PCDH11X: variants seen among roughly 807,000 people sequenced by gnomAD.
PCDH11X encodes the protein protocadherin 11 X-linked.
PCDH11X carries 18 observed loss-of-function variants against 53.3 expected under a neutral mutation model. The ratio of observed to expected loss-of-function variants is 0.34; its 90% CI spans 0.23 to 0.50. The LOEUF is 0.50. Among genes scored for constraint, PCDH11X ranks in the 20% least tolerant of loss-of-function variants. The probability of loss-of-function intolerance (pLI) is 0.98; values close to 1 mark genes in which losing one functional copy is unlikely to be tolerated. For synonymous variants in PCDH11X, 279 were observed against 393.3 expected, an observed-to-expected ratio of 0.71 and a Z score of 3.44; for missense variants, 570 against 1,032.4, an observed-to-expected ratio of 0.55 and a Z score of 6.14.
At chrX:92,579,101 C>T (rs1406996906) in intron 10 of PCDH11X, among the ~76,000 whole-genome samples, 1 of 101,492 alleles carries the variant, frequency 9.9e-6, no homozygotes, top group African/African-American at 3.7e-5. Flanking sequence ...GTAGAGTTAT[C>T]ACTGAGAGGT....
At chrX:92,609,716 C>A in intron 10 of PCDH11X, among the ~76,000 whole-genome samples, 1 of 110,413 alleles carries the variant, frequency 9.1e-6, no homozygotes, top group Middle Eastern at 4.7e-3. Context: ...TATGAATAAT[C>A]TCATCATATT....
chrX:91,961,699 T>C lies in PCDH11X; in HGVS notation c.3033+82426T>C, dbSNP rs1005440073. 3.7e-3 allele frequency among the ~76,000 whole-genome samples: 390 copies of C among 105,626 alleles called. 1 individual carries two copies. The highest frequency in any genetic ancestry group is 5.2e-3 in the Non-Finnish European group (268 of 51,483). The allele number at this position is 105,626 out of a possible 115,157, so 91.7% of individuals were successfully genotyped here. On this transcript the variant is annotated intron_variant, in intron 6 of 10. Transcript: ENST00000682573. ...AGGAGAAATTTTAAAAGCAATACCA[T>C]TTACAGTTGGGTATTAGTCTCTTCT... is the stretch of plus-strand genomic sequence containing the variant.
Position 91,873,772 on chromosome X carries a change from G to A in PCDH11X, c.541-3009G>A, listed in dbSNP as rs772874063. On this transcript the variant is annotated intron_variant, in intron 5 of 10. Coordinates refer to ENST00000682573, the MANE Select transcript of PCDH11X (RefSeq NM_032968.5). ...ATTCATAAATTGGATAATTGGCTCC[G>A]AAACTTAAGAACTTTGGAACATTTT... 7.2e-5 allele frequency among the ~76,000 whole-genome samples: 8 copies of A among 111,490 alleles called. No homozygotes were observed. The South Asian group carries it at 1.5e-3, about 21-fold the overall frequency.
chrX:92,131,848 G>A (rs1360346777), intron 6 of PCDH11X, among the ~76,000 whole-genome samples: 3 of 108,864 alleles, frequency 2.8e-5, no homozygotes, highest in African/African-American at 1.0e-4. Flanking sequence ...AATCCTAAAT[G>A]GGCCTTGTTA....
At chrX:92,247,599 C>T (rs756590440) in intron 7 of PCDH11X, among the ~76,000 whole-genome samples, 18 of 111,671 alleles carry the variant, frequency 1.6e-4, no homozygotes, top group Non-Finnish European at 2.1e-4. Flanking sequence ...AGAATTCTTC[C>T]GTGTCTTTTC....
At chrX:92,375,245 A>T (rs1488348279) in intron 8 of PCDH11X, among the ~76,000 whole-genome samples, 1 of 82,293 alleles carries the variant, frequency 1.2e-5, no homozygotes, top group Non-Finnish European at 2.2e-5. Context: ...GCACAATCTC[A>T]GCTCACTGCA....
At chrX:92,214,061 C>T (rs2066640621) in intron 7 of PCDH11X, among the ~76,000 whole-genome samples, 1 of 111,584 alleles carries the variant, frequency 9.0e-6, no homozygotes, top group Non-Finnish European at 1.9e-5. Context: ...GTTGATAACA[C>T]TGAAACCAAG....
chrX:92,388,778 A>T (rs1023231174), intron 9 of PCDH11X, among the ~76,000 whole-genome samples: 1 of 106,376 alleles, frequency 9.4e-6, no homozygotes, highest in Admixed American at 1.0e-4. Flanking sequence ...ATGAAAAAAA[A>T]TGGGCCAAAT....
chrX:92,356,014 T>C (rs186402388), intron 8 of PCDH11X, among the ~76,000 whole-genome samples: 93 of 111,935 alleles, frequency 8.3e-4, no homozygotes, highest in Non-Finnish European at 1.6e-3. Flanking sequence ...CGTGTATATA[T>C]AGAGTGAATA....
At chrX:92,376,275 A>G (rs1037916402) in intron 8 of PCDH11X, among the ~76,000 whole-genome samples, 1 of 111,982 alleles carries the variant, frequency 8.9e-6, no homozygotes, top group African/African-American at 3.2e-5. Context: ...ACCAGTTTCC[A>G]ACTTAGAGTT....
chrX:92,440,608 C>T (rs982332570), intron 9 of PCDH11X, among the ~76,000 whole-genome samples: 8 of 110,579 alleles, frequency 7.2e-5, no homozygotes, highest in African/African-American at 9.9e-5. Context: ...CTGCCATCCA[C>T]GTAAGATGTG....
intron 8 of PCDH11X, among the ~76,000 whole-genome samples, chrX:92,296,064 A>T (rs1789157466): frequency 1.9e-5 from 2 of 104,649 alleles, no homozygotes; most frequent in Non-Finnish European, 3.8e-5. Flanking sequence ...TCTGGGCAAC[A>T]AGAGCGAAAC....
At chrX:91,856,818 A>G (rs1049730544) in intron 5 of PCDH11X, among the ~76,000 whole-genome samples, 2 of 111,613 alleles carry the variant, frequency 1.8e-5, no homozygotes, top group East Asian at 5.7e-4. Context: ...TCCATTGTGT[A>G]TATGTACCAA....
At chrX:92,603,501 A>G (rs1450703454) in intron 10 of PCDH11X, among the ~76,000 whole-genome samples, 1 of 108,578 alleles carries the variant, frequency 9.2e-6, no homozygotes, top group Non-Finnish European at 1.9e-5. Flanking sequence ...AAACACAGAG[A>G]TCCACACGGA....
At chrX:91,896,135 T>A (rs963765952) in intron 6 of PCDH11X, among the ~76,000 whole-genome samples, 3 of 108,422 alleles carry the variant, frequency 2.8e-5, no homozygotes, top group Non-Finnish European at 5.7e-5. Flanking sequence ...GTAATAAATA[T>A]ATTTTTTGAG....
At chrX:92,567,709 T>G (rs1602348057) in intron 10 of PCDH11X, among the ~76,000 whole-genome samples, 1 of 110,154 alleles carries the variant, frequency 9.1e-6, no homozygotes, top group East Asian at 2.9e-4. Flanking sequence ...TGTGCTGGTT[T>G]TCATGGGGAA....
intron 10 of PCDH11X, among the ~76,000 whole-genome samples, chrX:92,485,012 C>T (rs1397927571): frequency 9.1e-6 from 1 of 110,099 alleles, no homozygotes; most frequent in Non-Finnish European, 1.9e-5. Context: ...ATTAATTATA[C>T]ATATTCATTT....
At chrX:92,120,652 G>T (rs919940535) in intron 6 of PCDH11X, among the ~76,000 whole-genome samples, 26 of 112,010 alleles carry the variant, frequency 2.3e-4, no homozygotes, top group Admixed American at 4.8e-4. Flanking sequence ...ATGCCTTTTA[G>T]ATTCGTGAAG....
At chrX:92,293,226 C>A (rs1169518524) in intron 8 of PCDH11X, among the ~76,000 whole-genome samples, 1 of 111,526 alleles carries the variant, frequency 9.0e-6, no homozygotes, top group Admixed American at 9.6e-5. Flanking sequence ...TACAGTTTTT[C>A]ATTTAAATAA....
Sources: allele counts gnomAD v4.1 joint callset (sites outside exome capture counted in the v4.1 genomes callset), GRCh38; gene constraint gnomAD v4.1.1; transcripts MANE v1.5; gene names NCBI Gene and HGNC (gene_info 2026-07-23, HGNC 2026-07-21).